The following PHF21B variants were observed in gnomAD, a reference collection of about 807,000 sequenced individuals.
The protein encoded by PHF21B is PHD finger protein 21B, also known as PHD finger protein 4.
In PHF21B, 22 loss-of-function variants were observed where a neutral mutation model predicts 62.2. The ratio of observed to expected loss-of-function variants is 0.35; its 90% CI spans 0.25 to 0.51. PHF21B has a LOEUF of 0.51. PHF21B is among the 20% of genes least tolerant of loss of function. The probability of loss-of-function intolerance (pLI) is 0.97; values close to 1 mark genes in which losing one functional copy is unlikely to be tolerated. For missense variants in PHF21B, 701 were observed against 707.9 expected (o/e 0.99, Z 0.11); for synonymous variants, 341 against 314.7 (o/e 1.08, Z -0.88).
rs73892229 is a variant in PHF21B, at chr22:44,995,364, G to A, written c.120+13181C>T. Among the ~76,000 whole-genome samples the A allele has an allele frequency of 5.4e-3, 828 of 152,242 alleles. 6 individuals carry two copies. Among genetic ancestry groups the A allele is most frequent in the African/African-American group, 0.019 (799 of 41,534 alleles). On this transcript the variant is annotated intron_variant, in intron 2 of 12. Transcript: ENST00000313237. ...CATTCAAGTCCACTCAGCAGAACAC[G>A]TTAATAAAATAACTCCAACGAGGCA...
chr22:44,883,257 G>C lies in PHF21B; in HGVS notation c.1425C>G (p.Thr475=). ...KTSLLARQRG[T]QSSLDRLRAL... is the part of the protein sequence containing the mutation. ...CCCGCAGGCGGTCCAGGGATGACTG[G>C]GTGCCCCTCTGGCGGGCCAGCAGGC... The change falls in exon 13 of 13, where the codon ACC becomes ACG. Residue 475 remains threonine, a synonymous_variant. Transcript: ENST00000313237. The C allele has an allele frequency of 6.2e-7, 1 of 1,613,932 alleles. No homozygotes were observed. Among genetic ancestry groups the C allele is most frequent in the Non-Finnish European group, 8.5e-7 (1 of 1,179,962 alleles).
intron 5 of PHF21B, among the ~76,000 whole-genome samples, chr22:44,908,431 A>G (rs1456228280): frequency 6.6e-6 from 1 of 152,102 alleles, no homozygotes; most frequent in Non-Finnish European, 1.5e-5. Context: ...TCTGAGAGCT[A>G]CTGAAATATT....
chr22:44,942,611 G>T (rs1569243222), intron 2 of PHF21B, among the ~76,000 whole-genome samples: 1 of 152,192 alleles, frequency 6.6e-6, no homozygotes, highest in South Asian at 2.1e-4. Context: ...GCCCCACACA[G>T]GGCACCGAGG....
At chr22:44,898,778 C>A (rs1389893448) in intron 5 of PHF21B, among the ~76,000 whole-genome samples, 1 of 152,146 alleles carries the variant, frequency 6.6e-6, no homozygotes, top group Non-Finnish European at 1.5e-5. Flanking sequence ...TCACTTTTTA[C>A]ATTTAAATTT....
At chr22:44,888,481 CCT>C (rs149164910) in intron 9 of PHF21B, among the ~76,000 whole-genome samples, 6,658 of 152,240 alleles carry the variant, frequency 0.044, 502 homozygotes, top group East Asian at 0.31. Context: ...AAAACAGCCC[CCT>C]GAGGGTCTGT....
At chr22:44,884,644 C>G (rs2070819269) in intron 12 of PHF21B, among the ~76,000 whole-genome samples, 1 of 149,498 alleles carries the variant, frequency 6.7e-6, no homozygotes, top group Non-Finnish European at 1.5e-5. Context: ...ATCATCACCA[C>G]CATCACCATC....
intron 2 of PHF21B, among the ~76,000 whole-genome samples, chr22:44,957,317 C>T (rs2072320617): frequency 6.6e-6 from 1 of 152,206 alleles, no homozygotes; most frequent in African/African-American, 2.4e-5. Flanking sequence ...GGTTTTTTCC[C>T]TGATCCTTTG....
At position 44,968,100 on chromosome 22, in the gene PHF21B, T is replaced by A. The variant is rs145730873; in HGVS notation, c.120+40445A>T. ...GGCGTCTTCAGAGCAGTTACTTTAC[T>A]TCCTTCCTTCCACACTGTGATCTTT... On this transcript the variant is annotated intron_variant, in intron 2 of 12. Transcript: ENST00000313237. Among the ~76,000 whole-genome samples, 1,100 of 152,234 alleles carry A rather than the reference T, an allele frequency of 7.2e-3. 13 individuals carry two copies. The highest frequency in any genetic ancestry group is 9.7e-3 in the Non-Finnish European group (657 of 68,014).
intron 2 of PHF21B, among the ~76,000 whole-genome samples, chr22:44,937,169 C>T (rs1279744099): frequency 2.0e-5 from 3 of 152,162 alleles, no homozygotes; most frequent in African/African-American, 7.2e-5. Context: ...CCCGGCTGAA[C>T]ATTCGCTTCT....
Position 44,881,772 on chromosome 22 carries a change from G to A in PHF21B, c.*1314C>T, listed in dbSNP as rs939240341. 1 of 152,722 alleles carries A rather than the reference G, an allele frequency of 6.5e-6. No individual in the cohort carries two copies. 9.5% of individuals were successfully genotyped at this position (152,722 alleles called of 1,614,324 possible). A position where few individuals can be genotyped will look rare whatever the true frequency, so the allele number is the denominator to read the frequency against. On this transcript the variant is annotated 3_prime_UTR_variant, in exon 13 of 13. Coordinates refer to ENST00000313237, the MANE Select transcript of PHF21B (RefSeq NM_138415.5). The stretch of plus-strand genomic sequence containing the variant: ...GGGTGGGAGCCCGTGGCTCCTGGAC[G>A]CTTATCCTGTTGTGCTGAGTCCCTC...
intron 5 of PHF21B, among the ~76,000 whole-genome samples, chr22:44,907,981 G>A (rs2071280599): frequency 6.6e-6 from 1 of 152,192 alleles, no homozygotes; most frequent in Admixed American, 6.5e-5. Flanking sequence ...CCCCTGGGAA[G>A]GCTGGTAATG....
At chr22:45,008,972 G>T in intron 1 of PHF21B, 2 of 1,082,176 alleles carry the variant, frequency 1.8e-6, no homozygotes, top group African/African-American at 1.7e-5. Context: ...CGGCGAGTCC[G>T]TGTCGAGCAA....
chr22:44,964,534 C>A (rs2072488539), intron 2 of PHF21B, among the ~76,000 whole-genome samples: 4 of 152,248 alleles, frequency 2.6e-5, no homozygotes, highest in Admixed American at 2.6e-4. Flanking sequence ...ATTTTACTCA[C>A]TGCGGCTCAG....
At chr22:44,935,716 G>A (rs374819064) in intron 2 of PHF21B, among the ~76,000 whole-genome samples, 2 of 152,180 alleles carry the variant, frequency 1.3e-5, no homozygotes, top group East Asian at 1.9e-4. Flanking sequence ...AGGGCAACAG[G>A]GCCTTCTGCA....
chr22:44,955,949 C>A (rs976698217), intron 2 of PHF21B, among the ~76,000 whole-genome samples: 1 of 152,198 alleles, frequency 6.6e-6, no homozygotes, highest in East Asian at 1.9e-4. Flanking sequence ...GCTGAGGGCA[C>A]GCACTTCCCT....
intron 2 of PHF21B, among the ~76,000 whole-genome samples, chr22:44,945,474 T>C (rs1422981151): frequency 6.6e-6 from 1 of 152,196 alleles, no homozygotes; most frequent in Admixed American, 6.5e-5. Flanking sequence ...TTCTGCAGAA[T>C]CACCTGCGCT....
intron 2 of PHF21B, among the ~76,000 whole-genome samples, chr22:44,960,108 C>G (rs1272630090): frequency 6.6e-6 from 1 of 152,214 alleles, no homozygotes; most frequent in Non-Finnish European, 1.5e-5. Flanking sequence ...CACACAAGGC[C>G]TGGCACCCAG....
intron 2 of PHF21B, among the ~76,000 whole-genome samples, chr22:44,988,763 G>A (rs1183440562): frequency 6.6e-6 from 1 of 152,206 alleles, no homozygotes; most frequent in Non-Finnish European, 1.5e-5. Context: ...AATGGCATAT[G>A]CTGTGGTCAT....
chr22:44,940,780 G>A (rs2071940792), intron 2 of PHF21B, among the ~76,000 whole-genome samples: 2 of 152,176 alleles, frequency 1.3e-5, no homozygotes, highest in South Asian at 4.2e-4. Context: ...AGCTGGACAA[G>A]GCTCAGGGAC....
Sources: gnomAD v4.1 joint callset for allele counts (sites outside exome capture counted in the v4.1 genomes callset) on GRCh38, gnomAD v4.1.1 for gene constraint, MANE v1.5 for transcripts, NCBI Gene and HGNC (gene_info 2026-07-23, HGNC 2026-07-21) for gene names.